CAP2: variants seen among roughly 807,000 people sequenced by gnomAD.
The protein encoded by CAP2 is adenylyl cyclase-associated protein 2.
A neutral mutation model predicts 57.7 loss-of-function variants in CAP2; 24 were observed. The ratio of observed to expected loss-of-function variants is 0.42; its 90% CI spans 0.30 to 0.58. CAP2 has a LOEUF of 0.58. CAP2 is among the 20% of genes least tolerant of loss of function. The probability of loss-of-function intolerance (pLI) is 0.22; values close to 1 mark genes in which losing one functional copy is unlikely to be tolerated. For missense variants in CAP2, 501 were observed against 590.3 expected (o/e 0.85, Z 1.57); for synonymous variants, 194 against 207.2 (o/e 0.94, Z 0.55).
rs183329850 is a variant in CAP2 at position 17,394,667 on chromosome 6, C to T, written c.-2+921C>T. ...CTTGAGCACTGTAGTTTACTGAGTA[C>T]TCCTATTTCCTTACTGCTTCTGTAG... On this transcript the variant is annotated intron_variant, in intron 1 of 12. Transcript: ENST00000229922. Among the ~76,000 whole-genome samples the T allele has an allele frequency of 3.2e-4, 48 of 152,300 alleles. No homozygotes were observed. In the East Asian group the frequency reaches 8.1e-3, roughly 26 times the overall value.
chr6:17,548,716 T>C (rs1328289792), intron 11 of CAP2, among the ~76,000 whole-genome samples: 1 of 152,192 alleles, frequency 6.6e-6, no homozygotes, highest in East Asian at 1.9e-4. Context: ...GCATGCCTGA[T>C]ATTGACTCAT....
chr6:17,465,911 G>T (rs527738688), intron 4 of CAP2, among the ~76,000 whole-genome samples: 2 of 152,234 alleles, frequency 1.3e-5, no homozygotes, highest in Admixed American at 1.3e-4. Flanking sequence ...AGCCCCAGGG[G>T]CTCAAATGTT....
rs1346721221 is a variant in CAP2 at position 17,556,454 on chromosome 6, A to T, written c.*12A>T. On this transcript the variant is annotated 3_prime_UTR_variant, in exon 13 of 13. Transcript: ENST00000229922. Reference sequence around the variant, plus strand: ...AAATTATGGCCTAACTTCCTGAGAGACCGAACCCCCTCACCTGAATCCCCC... The same window carrying T: ...AAATTATGGCCTAACTTCCTGAGAGTCCGAACCCCCTCACCTGAATCCCCC... 6.3e-7 allele frequency: 1 copy of T among 1,583,506 alleles called. No homozygotes were observed. Among genetic ancestry groups the T allele is most frequent in the East Asian group, 2.2e-5 (1 of 44,750 alleles).
At chr6:17,455,739 A>G (rs547176530) in intron 3 of CAP2, among the ~76,000 whole-genome samples, 106 of 152,136 alleles carry the variant, frequency 7.0e-4, no homozygotes, top group Admixed American at 2.0e-3. Flanking sequence ...GTTTCACCAT[A>G]TTAGCCAGAA....
chr6:17,402,981 A>G (rs1020147083), intron 1 of CAP2, among the ~76,000 whole-genome samples: 6 of 152,250 alleles, frequency 3.9e-5, no homozygotes, highest in African/African-American at 1.4e-4. Flanking sequence ...TGACATTTCT[A>G]TAACAAAATT....
intron 4 of CAP2, among the ~76,000 whole-genome samples, chr6:17,496,452 G>C (rs182018541): frequency 3.3e-5 from 5 of 152,236 alleles, no homozygotes; most frequent in Admixed American, 6.5e-5. Flanking sequence ...AAATGAGCTA[G>C]TGCTCTATGG....
intron 1 of CAP2, among the ~76,000 whole-genome samples, chr6:17,400,121 G>A (rs1179941038): frequency 2.0e-5 from 3 of 152,146 alleles, no homozygotes; most frequent in Non-Finnish European, 2.9e-5. Flanking sequence ...AGCTACTTGG[G>A]AGGCTGAGGC....
chr6:17,495,295 A>G (rs1389488790), intron 4 of CAP2, among the ~76,000 whole-genome samples: 1 of 152,228 alleles, frequency 6.6e-6, no homozygotes, highest in African/African-American at 2.4e-5. Flanking sequence ...TCACCAGTAT[A>G]TATTTATTGA....
chr6:17,529,338 A>G (rs940071045), intron 7 of CAP2, among the ~76,000 whole-genome samples: 4 of 151,972 alleles, frequency 2.6e-5, no homozygotes, highest in African/African-American at 9.7e-5. Flanking sequence ...TAGTTTTGAC[A>G]TTGAAAATAT....
intron 4 of CAP2, among the ~76,000 whole-genome samples, chr6:17,499,153 A>G (rs1761738606): frequency 6.6e-6 from 1 of 150,968 alleles, no homozygotes; most frequent in South Asian, 2.1e-4. Flanking sequence ...AATCCCAGCA[A>G]TTTTAGAGGC....
chr6:17,478,392 C>G (rs144248856), intron 4 of CAP2, among the ~76,000 whole-genome samples: 1 of 151,626 alleles, frequency 6.6e-6, no homozygotes, highest in African/African-American at 2.4e-5. Flanking sequence ...GCAATCCACC[C>G]GCCTCAGCCT....
intron 1 of CAP2, among the ~76,000 whole-genome samples, chr6:17,395,756 T>C (rs1758649960): frequency 1.3e-5 from 2 of 152,190 alleles, no homozygotes; most frequent in Non-Finnish European, 2.9e-5. Context: ...TATGTAAAAA[T>C]AATACGCTAA....
rs1759876688 is a variant in CAP2 at position 17,436,086 on chromosome 6, T to TTCCTTCC, written c.222+9397_222+9398insCCTTCCT. 5.4e-3 allele frequency among the ~76,000 whole-genome samples: 730 copies of TTCCTTCC among 133,994 alleles called. 16 individuals carry two copies. Among genetic ancestry groups the TTCCTTCC allele is most frequent in the African/African-American group, 0.02 (687 of 34,350 alleles). 87.9% of individuals were successfully genotyped at this position (133,994 alleles called of 152,430 possible). On this transcript the variant is annotated intron_variant, in intron 3 of 12. Transcript: ENST00000229922. The stretch of plus-strand genomic sequence containing the variant: ...TAAGGAATCTTTCTTTCTTTCTTTC[T>TTCCTTCC]TTCCTTCCTTCCTTCCTTCCTTCCT...
chr6:17,428,476 A>G (rs79398349), intron 3 of CAP2, among the ~76,000 whole-genome samples: 3,348 of 152,196 alleles, frequency 0.022, 130 homozygotes, highest in African/African-American at 0.075. Flanking sequence ...TCCTGGCAAA[A>G]CCATTTTCAG....
intron 4 of CAP2, 50 bp from the exon 5 acceptor site, chr6:17,507,119 T>C: frequency 6.2e-7 from 1 of 1,606,888 alleles, no homozygotes; most frequent in South Asian, 1.1e-5. Context: ...AGAGGTGCTA[T>C]GCGTCTGCTC....
chr6:17,450,855 AAAATT>A (rs1760382262), intron 3 of CAP2, among the ~76,000 whole-genome samples: 1 of 152,214 alleles, frequency 6.6e-6, no homozygotes, highest in Non-Finnish European at 1.5e-5. Flanking sequence ...TACCTAATAT[AAAATT>A]ATTGCCCTTT....
At chr6:17,549,340 A>G (rs995150450) in intron 11 of CAP2, among the ~76,000 whole-genome samples, 4 of 152,088 alleles carry the variant, frequency 2.6e-5, no homozygotes, top group Non-Finnish European at 5.9e-5. Context: ...ACGCATGCCT[A>G]TAATTCCAGA....
chr6:17,454,882 C>T (rs768367401), intron 3 of CAP2, among the ~76,000 whole-genome samples: 1 of 152,158 alleles, frequency 6.6e-6, no homozygotes, highest in African/African-American at 2.4e-5. Flanking sequence ...AGCTTTGACA[C>T]TTGGGCAGAG....
At chr6:17,545,978 T>C (rs1438851922) in intron 11 of CAP2, among the ~76,000 whole-genome samples, 1 of 152,224 alleles carries the variant, frequency 6.6e-6, no homozygotes, top group African/African-American at 2.4e-5. Context: ...GTCTTTGCTA[T>C]TGCGAATAGT....
Sources: gnomAD v4.1 joint callset for allele counts (sites outside exome capture counted in the v4.1 genomes callset) on GRCh38, gnomAD v4.1.1 for gene constraint, MANE v1.5 for transcripts, NCBI Gene and HGNC (gene_info 2026-07-23, HGNC 2026-07-21) for gene names.